Variants in GPR173 observed in about 807,000 individuals in gnomAD.
GPR173 encodes the protein probable G protein-coupled receptor 173.
A neutral mutation model predicts 13.9 loss-of-function variants in GPR173; 2 were observed. That is an observed-to-expected ratio of 0.14 (90% confidence interval 0.06 to 0.45). The LOEUF (loss-of-function observed/expected upper bound fraction) is 0.45. Among genes scored for constraint, GPR173 ranks in the 20% least tolerant of loss-of-function variants. The pLI is 0.98. For missense variants in GPR173, 202 were observed against 340.5 expected, an observed-to-expected ratio of 0.59 and a Z score of 3.20; for synonymous variants, 131 against 141.0, an observed-to-expected ratio of 0.93 and a Z score of 0.50.
Position 53,077,439 on chromosome X carries a change from T to G in GPR173, c.818T>G (p.Leu273Arg). 2 of 1,209,473 alleles carry G rather than the reference T, an allele frequency of 1.7e-6. No homozygotes were observed. The highest frequency in any genetic ancestry group is 2.2e-6 in the Non-Finnish European group (2 of 894,254). The change falls in exon 2 of 2, where the codon CTG becomes CGG. Residue 273 changes from leucine (L) to arginine (R), a missense_variant. Leu to Arg is a moderately radical substitution (Grantham distance 102, BLOSUM62 -2). This residue lies in a region of GPR173 where 76 missense variants were observed against 116.3 expected (regional missense o/e 0.65). Transcript: ENST00000332582. Reference protein sequence around the residue: ...QNGHAASRRLLGMDEVKGEKQ... With the variant: ...QNGHAASRRLRGMDEVKGEKQ... ...GGGCATGCAGCCAGCCGGCGGCTAC[T>G]GGGCATGGACGAGGTCAAGGGTGAA...
At chrX:53,059,967 G>A (rs1341879535) in intron 1 of GPR173, among the ~76,000 whole-genome samples, 2 of 104,728 alleles carry the variant, frequency 1.9e-5, no homozygotes, top group African/African-American at 6.9e-5. Flanking sequence ...CAGCCTGGGC[G>A]ACAGAGCGAG....
intron 1 of GPR173, among the ~76,000 whole-genome samples, chrX:53,071,588 C>T (rs1363340210): frequency 8.9e-6 from 1 of 112,189 alleles, no homozygotes; most frequent in Non-Finnish European, 1.9e-5. Context: ...GCGTGGGACT[C>T]TCCCCCATAT....
At chrX:53,073,858 T>A (rs868912163) in intron 1 of GPR173, among the ~76,000 whole-genome samples, 1 of 35,098 alleles carries the variant, frequency 2.8e-5, no homozygotes, top group Non-Finnish European at 5.3e-5. Flanking sequence ...ATATATAAAT[T>A]TATATATTTT....
At chrX:53,076,309 C>T (rs782395509) in intron 1 of GPR173, among the ~76,000 whole-genome samples, 32 of 109,857 alleles carry the variant, frequency 2.9e-4, no homozygotes, top group Non-Finnish European at 5.5e-4. Context: ...TTTCTCATCC[C>T]CTCCATTTCT....
chrX:53,077,779 A>G lies in GPR173; in HGVS notation c.*36A>G, dbSNP rs201678888. 7 of 1,126,660 alleles carry G rather than the reference A, an allele frequency of 6.2e-6. No individual in the cohort carries two copies. The Admixed American group carries it at 1.4e-4, about 22-fold the overall frequency. The allele number at this position is 1,126,660 out of a possible 1,213,427, so 92.8% of individuals were successfully genotyped here. A position where few individuals can be genotyped will look rare whatever the true frequency, so the allele number is the denominator to read the frequency against. On this transcript the variant is annotated 3_prime_UTR_variant, in exon 2 of 2. Transcript: ENST00000332582. The stretch of plus-strand genomic sequence containing the variant: ...TAGGCAGACAGGCAGAGAGAAGGTC[A>G]TGGCCACCGTGATGGGGCCAACAGC...
At chrX:53,072,370 C>G (rs1932270598) in intron 1 of GPR173, among the ~76,000 whole-genome samples, 1 of 103,649 alleles carries the variant, frequency 9.6e-6, no homozygotes, top group East Asian at 3.0e-4. Context: ...TCTCCCTCTC[C>G]CTGCTCTCCT....
At chrX:53,064,233 G>A (rs1053080021) in intron 1 of GPR173, among the ~76,000 whole-genome samples, 4 of 111,498 alleles carry the variant, frequency 3.6e-5, no homozygotes, top group Admixed American at 1.9e-4. Context: ...AGTCCATTTC[G>A]CGCTACTATA....
intron 1 of GPR173, among the ~76,000 whole-genome samples, chrX:53,062,569 CTTCTTTTTTTTTTTTTTTTT>C: frequency 1.3e-5 from 1 of 74,651 alleles, no homozygotes; most frequent in East Asian, 4.2e-4. Flanking sequence ...ACATTGTCTT[CTTCTTTTTTTTTTTTTTTTT>C]TTTTTTTTTG....
chrX:53,074,119 TAA>T lies in GPR173; in HGVS notation c.-97-2404_-97-2403del, dbSNP rs1569224414. ...ATAAATATATAAATATACATTTATA[TAA>T]ATATATATAAATATACATGTATATT... On this transcript the variant is annotated intron_variant, in intron 1 of 1. Transcript: ENST00000332582. Among the ~76,000 whole-genome samples the T allele has an allele frequency of 3.0e-4, 26 of 85,659 alleles. 2 individuals carry two copies. The highest frequency in any genetic ancestry group is 1.1e-3 in the African/African-American group (24 of 21,067). The allele number at this position is 85,659 out of a possible 115,157, so 74.4% of individuals were successfully genotyped here.
At chrX:53,064,609 A>G in intron 1 of GPR173, among the ~76,000 whole-genome samples, 1 of 110,781 alleles carries the variant, frequency 9.0e-6, no homozygotes, top group African/African-American at 3.3e-5. Context: ...TTTATTTCTT[A>G]TCATTCTGGA....
intron 1 of GPR173, among the ~76,000 whole-genome samples, chrX:53,056,555 G>A (rs1932043222): frequency 9.1e-6 from 1 of 110,066 alleles, no homozygotes; most frequent in Non-Finnish European, 1.9e-5. Context: ...GGCTGCATCC[G>A]GCCACATGTG....
chrX:53,076,502 C>T (rs1425988856), intron 1 of GPR173, 23 bp from the exon 2 acceptor site: 1 of 483,211 alleles, frequency 2.1e-6, no homozygotes, highest in Non-Finnish European at 3.4e-6. Flanking sequence ...GTCTGTGTCT[C>T]CCCCGCTCAT....
chrX:53,053,166 A>G (rs782632328), intron 1 of GPR173, among the ~76,000 whole-genome samples: 8 of 112,793 alleles, frequency 7.1e-5, no homozygotes, highest in Non-Finnish European at 1.5e-4. Flanking sequence ...GAACAAGTCT[A>G]TGTGCATGTG....
At position 53,076,604 on chromosome X, in the gene GPR173, T is replaced by A; in HGVS notation, c.-18T>A. The A allele has an allele frequency of 8.6e-7, 1 of 1,165,322 alleles. No homozygotes were observed. The highest frequency in any genetic ancestry group is 2.4e-5 in the Admixed American group (1 of 42,275). On this transcript the variant is annotated 5_prime_UTR_variant, in exon 2 of 2. Coordinates refer to ENST00000332582, the MANE Select transcript of GPR173 (RefSeq NM_018969.6). ...CTGGCTGACCCCCTAGGGTTGGCAG[T>A]AGCCCCTGACCCTCAGTATGGCCAA...
intron 1 of GPR173, among the ~76,000 whole-genome samples, chrX:53,056,788 T>C (rs1556803247): frequency 3.6e-5 from 4 of 111,489 alleles, no homozygotes; most frequent in African/African-American, 1.3e-4. Context: ...TGCTGGAATG[T>C]CTGTAAATGT....
intron 1 of GPR173, among the ~76,000 whole-genome samples, chrX:53,069,498 C>A (rs1210890284): frequency 8.9e-6 from 1 of 112,014 alleles, no homozygotes; most frequent in African/African-American, 3.2e-5. Context: ...ACCAGCTGGG[C>A]AGCTCTGCTC....
chrX:53,077,371 C>T lies in GPR173; in HGVS notation c.750C>T (p.Gly250=). 1 of 1,198,822 alleles carries T rather than the reference C, an allele frequency of 8.3e-7. No homozygotes were observed. Among genetic ancestry groups the T allele is most frequent in the Admixed American group, 2.2e-5 (1 of 44,454 alleles). The change falls in exon 2 of 2, where the codon GGC becomes GGT. Residue 250 remains glycine (G), a synonymous_variant. Transcript: ENST00000332582. ...CTGCCAACTGGATCGCCGGCTTTGG[C>T]CGTGGGCCCATGCCACCAACCCTGC... is the stretch of plus-strand genomic sequence containing the variant. ...QAAANWIAGF[G]RGPMPPTLLG...
At chrX:53,073,988 A>T (rs369649432) in intron 1 of GPR173, among the ~76,000 whole-genome samples, 4 of 12,839 alleles carry the variant, frequency 3.1e-4, no homozygotes, top group Admixed American at 1.3e-3. Flanking sequence ...TTTATATATA[A>T]ATATACATAA....
chrX:53,076,579 C>T lies in GPR173; in HGVS notation c.-43C>T. ...CCCCCCGGGCCCATCGAGTACCGGA[C>T]TGGCTGACCCCCTAGGGTTGGCAGT... On this transcript the variant is annotated 5_prime_UTR_variant, in exon 2 of 2. Coordinates refer to ENST00000332582, the MANE Select transcript of GPR173 (RefSeq NM_018969.6). 9.0e-7 allele frequency: 1 copy of T among 1,114,886 alleles called. No homozygotes were observed. Among genetic ancestry groups the T allele is most frequent in the Non-Finnish European group, 1.2e-6 (1 of 832,940 alleles). 91.9% of individuals were successfully genotyped at this position (1,114,886 alleles called of 1,213,427 possible).
Sources: gnomAD v4.1 joint callset for allele counts (sites outside exome capture counted in the v4.1 genomes callset) on GRCh38, gnomAD v4.1.1 for gene constraint, gnomAD v4.1.1 regional missense constraint, MANE v1.5 for transcripts, NCBI Gene and HGNC (gene_info 2026-07-23, HGNC 2026-07-21) for gene names.